ACOT11: variants seen among roughly 807,000 people sequenced by gnomAD.
ACOT11 encodes the protein acyl-CoA thioesterase 11, also known as acyl-coenzyme A thioesterase 11.
A neutral mutation model predicts 77.5 loss-of-function variants in ACOT11; 69 were observed. That is an observed-to-expected ratio of 0.89 (90% confidence interval 0.73 to 1.09). The LOEUF (loss-of-function observed/expected upper bound fraction) is 1.09, where lower values mean the gene tolerates loss of function less well. ACOT11 is among the 50% of genes least tolerant of loss of function. The probability of loss-of-function intolerance (pLI) is 0.00; values close to 1 mark genes in which losing one functional copy is unlikely to be tolerated. For synonymous variants in ACOT11, 279 were observed against 313.0 expected (o/e 0.89, Z 1.15); for missense variants, 766 against 813.7 (o/e 0.94, Z 0.71).
chr1:54,628,082 G>C lies in ACOT11; in HGVS notation c.1630-2652G>C, dbSNP rs1339087113. ...TCAGCTTGCATTTGGGAGGTGGCTG[G>C]AGGCTGGAGTTGAGAAATGGTTCTG... is the stretch of plus-strand genomic sequence containing the variant. On this transcript the variant is annotated intron_variant, in intron 15 of 16. Coordinates refer to the ACOT11 transcript ENST00000371316. 2 of 133,916 alleles carry C rather than the reference G, an allele frequency of 1.5e-5. 1 individual carries two copies. Among genetic ancestry groups the C allele is most frequent in the Non-Finnish European group, 3.4e-5 (2 of 59,098 alleles). 8.3% of individuals were successfully genotyped at this position (133,916 alleles called of 1,614,324 possible). A position where few individuals can be genotyped will look rare whatever the true frequency, so the allele number is the denominator to read the frequency against.
chr1:54,605,293 C>T, intron 13 of ACOT11, 84 bp downstream of exon 13: 1 of 1,516,434 alleles, frequency 6.6e-7, no homozygotes, highest in Non-Finnish European at 8.8e-7. Context: ...GGTCATCCTC[C>T]ATGATGCTCT....
At chr1:54,617,950 C>T (rs1367755440) in intron 15 of ACOT11, among the ~76,000 whole-genome samples, 1 of 151,408 alleles carries the variant, frequency 6.6e-6, no homozygotes, top group East Asian at 1.9e-4. Flanking sequence ...TTGTCTCGAA[C>T]TCCTGACCTC....
At position 54,594,047 on chromosome 1, in the gene ACOT11, G is replaced by T; in HGVS notation, c.471+8G>T. The T allele has an allele frequency of 6.2e-7, 1 of 1,612,542 alleles. No homozygotes were observed. The highest frequency in any genetic ancestry group is 8.5e-7 in the Non-Finnish European group (1 of 1,179,144). ...CGCCGAGAGATCACCAAGGTAACTG[G>T]GTGCGCCTGGCTGCTGGAACGCTGC... On this transcript the variant is annotated splice_region_variant and intron_variant, in intron 5 of 15. Coordinates refer to ENST00000343744, the MANE Select transcript of ACOT11 (RefSeq NM_147161.4).
intron 1 of ACOT11, among the ~76,000 whole-genome samples, chr1:54,568,105 TTG>T (rs1452109481): frequency 6.6e-6 from 1 of 152,140 alleles, no homozygotes; most frequent in East Asian, 1.9e-4. Context: ...CTTGGGGTTT[TTG>T]CACTGTCTGT....
chr1:54,582,973 C>T (rs58555027), intron 1 of ACOT11, among the ~76,000 whole-genome samples: 29,620 of 151,868 alleles, frequency 0.2, 4,266 homozygotes, highest in African/African-American at 0.4. Context: ...GAATGGAGTC[C>T]TGCCTACCAC....
intron 15 of ACOT11, among the ~76,000 whole-genome samples, chr1:54,622,337 T>C (rs1644238447): frequency 6.7e-6 from 1 of 148,372 alleles, no homozygotes; most frequent in Admixed American, 6.7e-5. Context: ...TCCCAGAACT[T>C]TGGGAGGCCA....
chr1:54,553,753 C>T (rs1416853124), intron 1 of ACOT11, among the ~76,000 whole-genome samples: 1 of 152,110 alleles, frequency 6.6e-6, no homozygotes, highest in Non-Finnish European at 1.5e-5. Context: ...ATCTCTCCAT[C>T]CCCCCAACAA....
intron 6 of ACOT11, among the ~76,000 whole-genome samples, 173 bp downstream of exon 6, chr1:54,594,864 A>G (rs1003894324): frequency 3.9e-5 from 6 of 151,952 alleles, no homozygotes; most frequent in African/African-American, 1.5e-4. Context: ...AGGGAAGGGG[A>G]GTGTTTGGGC....
chr1:54,634,460 AT>A, intron 16 of ACOT11, among the ~76,000 whole-genome samples: 1 of 152,184 alleles, frequency 6.6e-6, no homozygotes, highest in Non-Finnish European at 1.5e-5. Flanking sequence ...GGGATTTCTG[AT>A]TCTTCATATG....
intron 13 of ACOT11, among the ~76,000 whole-genome samples, chr1:54,606,076 T>C (rs1014236290): frequency 6.6e-6 from 1 of 152,190 alleles, no homozygotes; most frequent in Non-Finnish European, 1.5e-5. Context: ...CAGAGCAGGC[T>C]TGTAGCTCTT....
chr1:54,605,092 T>C lies in ACOT11; in HGVS notation c.1253T>C (p.Leu418Pro). The C allele has an allele frequency of 4.3e-6, 7 of 1,613,820 alleles. No homozygotes were observed. The highest frequency in any genetic ancestry group is 5.9e-6 in the Non-Finnish European group (7 of 1,179,998). Residue 418 changes from leucine to proline, a missense_variant, in exon 13 of 16, where the codon CTG becomes CCG. Physicochemically the swap from Leu to Pro is moderately conservative, Grantham distance 98. Coordinates refer to ENST00000343744, the MANE Select transcript of ACOT11 (RefSeq NM_147161.4). ...CCCATGCAGGTCCGCCTGTACACTC[T>C]GGAGGATGACAAGTTCCTCTCCTTC... ...SEISQVRLYT[L>P]EDDKFLSFHM...
exon 17 of ACOT11, chr1:54,636,581 C>A (rs1644331745): frequency 6.6e-6 from 1 of 152,128 alleles, no homozygotes; most frequent in South Asian, 2.1e-4. Flanking sequence ...CAGAGACGAG[C>A]AGGAGACAGA....
At chr1:54,630,653 T>C (rs1245748477) in intron 15 of ACOT11, 3 of 544,572 alleles carry the variant, frequency 5.5e-6, no homozygotes, top group Non-Finnish European at 1.0e-5. Flanking sequence ...TGTTCCGGGC[T>C]CTCAGCTCTG....
At chr1:54,615,585 G>A (rs1296197173) in intron 15 of ACOT11, among the ~76,000 whole-genome samples, 5 of 152,040 alleles carry the variant, frequency 3.3e-5, no homozygotes, top group African/African-American at 1.2e-4. Flanking sequence ...TTAGGGGTTA[G>A]GATTGGTGGA....
chr1:54,555,956 C>T (rs1653243554), intron 1 of ACOT11, among the ~76,000 whole-genome samples: 1 of 152,098 alleles, frequency 6.6e-6, no homozygotes, highest in African/African-American at 2.4e-5. Context: ...CCATGTTGGC[C>T]AGCTTAGTCT....
In ACOT11 at chr1:54,609,022, C is replaced by G. The variant is rs1256332140; in HGVS notation, c.1695C>G (p.Leu565=). 6.2e-7 allele frequency: 1 copy of G among 1,610,848 alleles called. No individual in the cohort carries two copies. The highest frequency in any genetic ancestry group is 8.5e-7 in the Non-Finnish European group (1 of 1,178,828). The change falls in exon 16 of 16, where the codon CTC becomes CTG. Residue 565 remains leucine, a synonymous_variant. Transcript: ENST00000343744. ...ATGTGACCACCAACGTGGCCGGCCT[C>G]TCCTCTGAGTTCTACACCACCTTCA... is the stretch of plus-strand genomic sequence containing the variant. The part of the protein sequence containing the change: ...LNYVTTNVAG[L]SSEFYTTFKA...
Position 54,607,563 on chromosome 1 carries a change from C to T in ACOT11, c.1502+298C>T, listed in dbSNP as rs1321251870. 6.6e-6 allele frequency among the ~76,000 whole-genome samples: 1 copy of T among 152,188 alleles called. No homozygotes were observed. Among genetic ancestry groups the T allele is most frequent in the Non-Finnish European group, 1.5e-5 (1 of 68,026 alleles). ...GGCAGGATATTTCTCACGTGGCCAC[C>T]TCCTTGGCCTCCTCCCTCTGACAGC... is the stretch of plus-strand genomic sequence containing the variant. On this transcript the variant is annotated intron_variant, in intron 14 of 15. Transcript: ENST00000343744. This position sits in a 1 kb window ranked among gnomAD's most constrained non-coding sequence, Gnocchi z 4.5.
At chr1:54,601,118 T>TGTGTGTGTATGTGTGTGCATAC in intron 8 of ACOT11, 151 bp from the exon 9 acceptor site, 19 of 271,482 alleles carry the variant, frequency 7.0e-5, no homozygotes, top group Non-Finnish European at 9.6e-5. Context: ...TGTGCATACA[T>TGTGTGTGTATGTGTGTGCATAC]GTGTGTGTAT....
chr1:54,601,165 G>A, intron 8 of ACOT11, 104 bp from the exon 9 acceptor site: 4 of 1,384,534 alleles, frequency 2.9e-6, no homozygotes, highest in Admixed American at 1.9e-5. Flanking sequence ...ATGCATGTGT[G>A]TGGGCGCATG....
Sources: gnomAD v4.1 joint callset for allele counts (sites outside exome capture counted in the v4.1 genomes callset) on GRCh38, gnomAD v4.1.1 for gene constraint, Gnocchi (gnomAD v3.1) non-coding constraint, MANE v1.5 for transcripts, NCBI Gene and HGNC (gene_info 2026-07-23, HGNC 2026-07-21) for gene names.